HDAC1: variants seen among roughly 807,000 people sequenced by gnomAD.
HDAC1 encodes protein deacetylase HDAC1.
A neutral mutation model predicts 65.5 loss-of-function variants in HDAC1; 18 were observed. The observed-to-expected ratio is 0.27, with a 90% CI of 0.19 to 0.41. The LOEUF is 0.41. Among genes scored for constraint, HDAC1 ranks in the 10% least tolerant of loss-of-function variants. The pLI, the probability that HDAC1 is intolerant of heterozygous loss-of-function variation, is 1.00. For missense variants in HDAC1, 373 were observed against 625.2 expected (o/e 0.60, Z 4.30); for synonymous variants, 211 against 227.9 (o/e 0.93, Z 0.67).
intron 4 of HDAC1, among the ~76,000 whole-genome samples, chr1:32,326,238 G>A (rs1641215493): frequency 6.7e-6 from 1 of 149,962 alleles, no homozygotes; most frequent in Admixed American, 6.7e-5. Flanking sequence ...TTGGCTCACT[G>A]CAACCTCCGC....
intron 1 of HDAC1, among the ~76,000 whole-genome samples, chr1:32,299,699 T>A (rs59667173): frequency 6.6e-6 from 1 of 152,062 alleles, no homozygotes. Flanking sequence ...GTTCAAGGAA[T>A]TTTCTATCAG....
At chr1:32,316,283 C>CAAAAAAAA (rs879826419) in intron 2 of HDAC1, among the ~76,000 whole-genome samples, 2 of 139,396 alleles carry the variant, frequency 1.4e-5, no homozygotes, top group African/African-American at 2.9e-5. Flanking sequence ...GACTCCGTCT[C>CAAAAAAAA]AAAAAAAAAA....
chr1:32,308,798 G>A (rs564950418), intron 2 of HDAC1, among the ~76,000 whole-genome samples: 15 of 151,614 alleles, frequency 9.9e-5, no homozygotes, highest in Non-Finnish European at 1.8e-4. Flanking sequence ...GATTACAGGC[G>A]TGAGCCACGG....
intron 2 of HDAC1, among the ~76,000 whole-genome samples, chr1:32,308,144 A>G (rs1640936779): frequency 6.6e-6 from 1 of 152,052 alleles, no homozygotes; most frequent in Non-Finnish European, 1.5e-5. Flanking sequence ...ACATGGAGAA[A>G]CCCCATCTCT....
At chr1:32,319,542 T>C (rs959591570) in intron 3 of HDAC1, among the ~76,000 whole-genome samples, 1 of 152,144 alleles carries the variant, frequency 6.6e-6, no homozygotes, top group Non-Finnish European at 1.5e-5. Context: ...GGCAAGATCA[T>C]AGCTCACTGC....
At chr1:32,323,367 A>G (rs1641174876) in intron 3 of HDAC1, among the ~76,000 whole-genome samples, 1 of 151,198 alleles carries the variant, frequency 6.6e-6, no homozygotes, top group African/African-American at 2.4e-5. Flanking sequence ...CTAACAGCTC[A>G]CCTCTCTGAA....
intron 2 of HDAC1, among the ~76,000 whole-genome samples, chr1:32,308,637 G>A (rs1156534950): frequency 1.3e-5 from 2 of 152,138 alleles, no homozygotes; most frequent in South Asian, 2.1e-4. Flanking sequence ...TCCTGCCTCA[G>A]CCTCCCGAGT....
chr1:32,298,874 T>A (rs1290658341), intron 1 of HDAC1, among the ~76,000 whole-genome samples: 2 of 152,146 alleles, frequency 1.3e-5, no homozygotes, highest in East Asian at 3.9e-4. Context: ...GGCACATGTC[T>A]GTAATCCCAG....
At chr1:32,294,704 C>A (rs547622947) in intron 1 of HDAC1, among the ~76,000 whole-genome samples, 7 of 151,472 alleles carry the variant, frequency 4.6e-5, no homozygotes, top group Admixed American at 4.0e-4. Context: ...TTAGTAGAGA[C>A]AGGGTTTCAC....
Position 32,328,286 on chromosome 1 carries a change from A to G in HDAC1, c.636+609A>G, listed in dbSNP as rs189956611. 5.6e-3 allele frequency among the ~76,000 whole-genome samples: 852 copies of G among 151,660 alleles called. 28 individuals are homozygous for G. Among genetic ancestry groups the G allele is most frequent in the Admixed American group, 0.053 (803 of 15,224 alleles). ...AGTGGCACTAATTCAGTTGTTTGCC[A>G]TGGCAAGCGTTAGAATAAATGAGCA... is the stretch of plus-strand genomic sequence containing the variant. On this transcript the variant is annotated intron_variant, in intron 6 of 13. Coordinates refer to ENST00000373548, the MANE Select transcript of HDAC1 (RefSeq NM_004964.3).
intron 1 of HDAC1, 148 bp from the exon 2 acceptor site, chr1:32,302,473 A>C: frequency 3.5e-6 from 1 of 288,920 alleles, no homozygotes; most frequent in Non-Finnish European, 6.5e-6. Flanking sequence ...TTTCTTTTGG[A>C]GTTACCCTTC....
chr1:32,295,292 T>C (rs1432597511), intron 1 of HDAC1, among the ~76,000 whole-genome samples: 2 of 151,924 alleles, frequency 1.3e-5, no homozygotes, highest in Admixed American at 1.3e-4. Flanking sequence ...CATGTGCCTG[T>C]AGAGAGGCTG....
Position 32,330,217 on chromosome 1 carries a change from G to A in HDAC1, c.730-361G>A, listed in dbSNP as rs1392140531. The A allele has an allele frequency of 4.1e-6, 1 of 241,056 alleles. No homozygotes were observed. The highest frequency in any genetic ancestry group is 2.2e-5 in the African/African-American group (1 of 44,478). The allele number at this position is 241,056 out of a possible 1,614,324, so 14.9% of individuals were successfully genotyped here. On this transcript the variant is annotated intron_variant, in intron 7 of 13. Coordinates refer to ENST00000373548, the MANE Select transcript of HDAC1 (RefSeq NM_004964.3). The surrounding 1 kb of genome is among the most constrained non-coding windows in gnomAD (Gnocchi z 4.2). ...TAAAAGTGCTTGCTCATAATGTAAG[G>A]CTTCAAGTCTGTAAGACCGAATGAG...
intron 2 of HDAC1, among the ~76,000 whole-genome samples, chr1:32,314,462 G>T (rs927929104): frequency 1.1e-4 from 16 of 151,904 alleles, no homozygotes; most frequent in African/African-American, 3.9e-4. Context: ...CGAAGTACTG[G>T]GATTTTAGGC....
chr1:32,292,119 G>C lies in HDAC1; in HGVS notation c.-51G>C, dbSNP rs754345193. 161 of 1,534,402 alleles carry C rather than the reference G, an allele frequency of 1.0e-4. No homozygotes were observed. Among genetic ancestry groups the C allele is most frequent in the Non-Finnish European group, 1.3e-5 (15 of 1,135,244 alleles). On this transcript the variant is annotated 5_prime_UTR_variant, in exon 1 of 14. Coordinates refer to ENST00000373548, the MANE Select transcript of HDAC1 (RefSeq NM_004964.3). ...TGGGTCGGACGCTGAGCGGAGCCGC[G>C]GGCGGGAGGGCGGACGGACCGACTG...
intron 13 of HDAC1, 90 bp from the exon 14 acceptor site, chr1:32,332,927 C>A: frequency 7.2e-7 from 1 of 1,381,316 alleles, no homozygotes; most frequent in Non-Finnish European, 1.0e-6. Context: ...CCCCAGTAGT[C>A]ACCTAGGATC....
chr1:32,316,617 C>T (rs768979571), intron 2 of HDAC1, 48 bp from the exon 3 acceptor site: 7 of 998,596 alleles, frequency 7.0e-6, no homozygotes, highest in African/African-American at 1.6e-5. Context: ...ATTGACTGGA[C>T]TGGCCGTGGT....
chr1:32,304,904 G>T (rs540196585), intron 2 of HDAC1, among the ~76,000 whole-genome samples: 2 of 152,040 alleles, frequency 1.3e-5, no homozygotes, highest in South Asian at 2.1e-4. Context: ...TAGAAACAGG[G>T]TCTTGCTGTT....
intron 3 of HDAC1, among the ~76,000 whole-genome samples, chr1:32,321,679 A>T (rs1365826241): frequency 6.6e-6 from 1 of 152,188 alleles, no homozygotes; most frequent in Non-Finnish European, 1.5e-5. Flanking sequence ...GACTAGGAAT[A>T]AAAGGGCTGG....
Sources: gnomAD v4.1 joint callset for allele counts (sites outside exome capture counted in the v4.1 genomes callset) on GRCh38, gnomAD v4.1.1 for gene constraint, Gnocchi (gnomAD v3.1) non-coding constraint, MANE v1.5 for transcripts, NCBI Gene and HGNC (gene_info 2026-07-23, HGNC 2026-07-21) for gene names.